Variants in BCAS3 observed in about 807,000 individuals in gnomAD.
BCAS3 encodes BCAS3 microtubule associated cell migration factor.
In BCAS3, 53 loss-of-function variants were observed where a neutral mutation model predicts 116.1. The ratio of observed to expected loss-of-function variants is 0.46; its 90% confidence interval spans 0.37 to 0.57. The LOEUF is 0.57. BCAS3 is among the 20% of genes least tolerant of loss of function. The pLI, the probability that BCAS3 is intolerant of heterozygous loss-of-function variation, is 0.00. For missense variants in BCAS3, 917 were observed against 1,165.4 expected, an observed-to-expected ratio of 0.79 and a Z score of 3.10; for synonymous variants, 391 against 408.2, an observed-to-expected ratio of 0.96 and a Z score of 0.51.
intron 17 of BCAS3, among the ~76,000 whole-genome samples, chr17:61,036,043 G>A (rs1050302236): frequency 5.9e-5 from 9 of 152,170 alleles, no homozygotes; most frequent in African/African-American, 2.2e-4. Flanking sequence ...TCCCTGCTTT[G>A]ATCACCAGGG....
chr17:60,747,673 GTC>G (rs1347422786), intron 6 of BCAS3, among the ~76,000 whole-genome samples: 3 of 151,996 alleles, frequency 2.0e-5, no homozygotes, highest in African/African-American at 7.2e-5. Context: ...TATTCCTCAA[GTC>G]TCTATTGTTC....
rs1602581622 is a variant in BCAS3, at chr17:61,309,657, C to T, written c.2426-58670C>T. On this transcript the variant is annotated intron_variant, in intron 22 of 23. Coordinates refer to ENST00000407086, the MANE Select transcript of BCAS3 (RefSeq NM_017679.5). This position sits in a 1 kb window ranked among gnomAD's most constrained non-coding sequence, Gnocchi z 4.6. ...CGTGTTCTCCGTCCCAAGGAAAACA[C>T]ACACATCCAGAAGGCACTGTGAGCA... 6.6e-6 allele frequency among the ~76,000 whole-genome samples: 1 copy of T among 152,186 alleles called. No homozygotes were observed. Among genetic ancestry groups the T allele is most frequent in the East Asian group, 1.9e-4 (1 of 5,196 alleles).
intron 22 of BCAS3, among the ~76,000 whole-genome samples, chr17:61,190,526 C>CAAAAA (rs71148387): frequency 3.0e-4 from 13 of 43,894 alleles, no homozygotes; most frequent in African/African-American, 9.8e-4. Context: ...GACTCCATCT[C>CAAAAA]AAAAAAAAAA....
intron 14 of BCAS3, among the ~76,000 whole-genome samples, chr17:60,953,634 C>T (rs1336872711): frequency 6.6e-6 from 1 of 151,820 alleles, no homozygotes; most frequent in Non-Finnish European, 1.5e-5. Context: ...GTCATGAAAC[C>T]TTTGCCAGTT....
At chr17:60,762,231 T>C (rs996908329) in intron 6 of BCAS3, among the ~76,000 whole-genome samples, 4 of 152,222 alleles carry the variant, frequency 2.6e-5, no homozygotes, top group African/African-American at 9.6e-5. Context: ...ATTTTGGCTT[T>C]TATTGCCATT....
chr17:60,713,366 C>G (rs1183577607), intron 5 of BCAS3, among the ~76,000 whole-genome samples: 1 of 152,154 alleles, frequency 6.6e-6, no homozygotes, highest in East Asian at 1.9e-4. Flanking sequence ...AAACTTATAA[C>G]CATTATTCAT....
In BCAS3 at chr17:61,013,163, C is replaced by G. The variant is rs1290225459; in HGVS notation, c.1487-2588C>G. On this transcript the variant is annotated intron_variant, in intron 15 of 23. Transcript: ENST00000407086. This position sits in a 1 kb window ranked among gnomAD's most constrained non-coding sequence, Gnocchi z 4.4. ...GAGCCCTTTTCCATATAAAGTTGTTCCCACGTCTGCTTATCTTTGGTTCTT... is the reference window on the plus strand; with the variant it reads ...GAGCCCTTTTCCATATAAAGTTGTTGCCACGTCTGCTTATCTTTGGTTCTT... Among the ~76,000 whole-genome samples the G allele has an allele frequency of 6.6e-6, 1 of 152,046 alleles. No homozygotes were observed. The highest frequency in any genetic ancestry group is 1.5e-5 in the Non-Finnish European group (1 of 67,966).
In BCAS3 at chr17:61,189,970, A is replaced by G. The variant is rs555362304; in HGVS notation, c.2425+105406A>G. Among the ~76,000 whole-genome samples the G allele has an allele frequency of 3.0e-4, 46 of 152,332 alleles. No homozygotes were observed. The highest frequency in any genetic ancestry group is 3.4e-3 in the Middle Eastern group (1 of 294). On this transcript the variant is annotated intron_variant, in intron 22 of 23. Coordinates refer to ENST00000407086, the MANE Select transcript of BCAS3 (RefSeq NM_017679.5). This position sits in a 1 kb window ranked among gnomAD's most constrained non-coding sequence, Gnocchi z 4.5. ...ATGCCCTGAAAATCAGCAAAATATT[A>G]CAGACTAGCATAGGATAATTTGTAC...
chr17:61,330,552 C>T (rs181292766), intron 22 of BCAS3, among the ~76,000 whole-genome samples: 2 of 152,348 alleles, frequency 1.3e-5, no homozygotes, highest in East Asian at 1.9e-4. Context: ...GCATGTGCCT[C>T]TGCGGCCAGT....
intron 22 of BCAS3, among the ~76,000 whole-genome samples, chr17:61,110,325 G>T (rs2074975813): frequency 6.6e-6 from 1 of 152,190 alleles, no homozygotes; most frequent in Non-Finnish European, 1.5e-5. Context: ...ATTTCCATCT[G>T]AGGTACCGGG....
At chr17:60,968,264 G>A (rs8079470) in intron 14 of BCAS3, among the ~76,000 whole-genome samples, 17,083 of 152,010 alleles carry the variant, frequency 0.11, 3,170 homozygotes, top group African/African-American at 0.39. Context: ...TGCCCAGGCT[G>A]GAGTACAGTG....
At chr17:60,795,501 C>A (rs2047135028) in intron 6 of BCAS3, among the ~76,000 whole-genome samples, 1 of 152,076 alleles carries the variant, frequency 6.6e-6, no homozygotes. Flanking sequence ...TTCCAGTTCT[C>A]AGAGGGAATG....
Position 61,122,155 on chromosome 17 carries a change from C to G in BCAS3, c.2425+37591C>G, listed in dbSNP as rs969657401. ...AAGAGTATTGAACAGTCTCCCTTCC[C>G]CCAGTTTTAATCACAACTAAAATCA... On this transcript the variant is annotated intron_variant, in intron 22 of 23. Transcript: ENST00000407086. The surrounding 1 kb of genome is among the most constrained non-coding windows in gnomAD (Gnocchi z 4.6). Among the ~76,000 whole-genome samples, 3 of 152,156 alleles carry G rather than the reference C, an allele frequency of 2.0e-5. No individual in the cohort carries two copies. In the South Asian group the frequency reaches 6.2e-4, roughly 32 times the overall value.
At chr17:61,174,328 A>T (rs911505967) in intron 22 of BCAS3, among the ~76,000 whole-genome samples, 16 of 152,164 alleles carry the variant, frequency 1.1e-4, no homozygotes, top group Non-Finnish European at 2.4e-4. Flanking sequence ...TCCTCACCCC[A>T]GCTGCTGATA....
Position 61,045,864 on chromosome 17 carries a change from T to TATA in BCAS3, c.2029+4973_2029+4974insTAA, listed in dbSNP as rs1555684813. ...CTCTCTCTCTCTATATATATATATATAAATATATATAAATATATATTATAT... is the reference window on the plus strand; with the variant it reads ...CTCTCTCTCTCTATATATATATATATATAAAATATATATAAATATATATTATAT... On this transcript the variant is annotated intron_variant, in intron 19 of 23. Coordinates refer to ENST00000407086, the MANE Select transcript of BCAS3 (RefSeq NM_017679.5). Among the ~76,000 whole-genome samples, 53 of 31,432 alleles carry TATA rather than the reference T, an allele frequency of 1.7e-3. 3 individuals are homozygous for TATA. The highest frequency in any genetic ancestry group is 0.016 in the Middle Eastern group (1 of 64). 20.6% of individuals were successfully genotyped at this position (31,432 alleles called of 152,430 possible).
At chr17:60,966,614 G>A (rs56674792) in intron 14 of BCAS3, among the ~76,000 whole-genome samples, 1,660 of 150,404 alleles carry the variant, frequency 0.011, 29 homozygotes, top group African/African-American at 0.037. Flanking sequence ...ACAAAGGCAG[G>A]CATAAAGAAC....
rs2075627767 is a variant in BCAS3 at position 61,118,759 on chromosome 17, G to T, written c.2425+34195G>T. Among the ~76,000 whole-genome samples, 1 of 152,114 alleles carries T rather than the reference G, an allele frequency of 6.6e-6. No individual in the cohort carries two copies. Among genetic ancestry groups the T allele is most frequent in the Non-Finnish European group, 1.5e-5 (1 of 68,020 alleles). ...AGAGCAGCCTTTTGTTGTGACAAAA[G>T]CATAGACAGACCTTGAGGTGTAGAA... On this transcript the variant is annotated intron_variant, in intron 22 of 23. Coordinates refer to ENST00000407086, the MANE Select transcript of BCAS3 (RefSeq NM_017679.5). The surrounding 1 kb of genome is among the most constrained non-coding windows in gnomAD (Gnocchi z 5.0).
intron 10 of BCAS3, among the ~76,000 whole-genome samples, chr17:60,894,077 T>C (rs2057356052): frequency 6.6e-6 from 1 of 152,084 alleles, no homozygotes; most frequent in African/African-American, 2.4e-5. Flanking sequence ...ATTTTTTGCT[T>C]CCCTATGAAC....
chr17:60,761,668 G>A (rs986468012), intron 6 of BCAS3, among the ~76,000 whole-genome samples: 9 of 152,196 alleles, frequency 5.9e-5, no homozygotes, highest in African/African-American at 1.4e-4. Context: ...ATAAACATAC[G>A]TGTGCATGTG....
Sources: allele counts gnomAD v4.1 joint callset (sites outside exome capture counted in the v4.1 genomes callset), GRCh38; gene constraint gnomAD v4.1.1; non-coding constraint Gnocchi (gnomAD v3.1); transcripts MANE v1.5; gene names NCBI Gene and HGNC (gene_info 2026-07-23, HGNC 2026-07-21).